Variants in VCAN observed in about 807,000 individuals in gnomAD.
The protein encoded by VCAN is versican, also known as versican core protein.
In VCAN, 44 loss-of-function variants were observed where a neutral mutation model predicts 245.5. That is an observed-to-expected ratio of 0.18 (90% CI 0.14 to 0.23). VCAN has a LOEUF of 0.23. Among genes scored for constraint, VCAN ranks in the 10% least tolerant of loss-of-function variants. The pLI, the probability that VCAN is intolerant of heterozygous loss-of-function variation, is 1.00. For missense variants in VCAN, 3,793 were observed against 4,057.9 expected, an observed-to-expected ratio of 0.93 and a Z score of 1.77; for synonymous variants, 1,413 against 1,437.0, an observed-to-expected ratio of 0.98 and a Z score of 0.38.
chr5:83,555,065 A>G, intron 12 of VCAN, 27 bp downstream of exon 12: 15 of 1,611,554 alleles, frequency 9.3e-6, no homozygotes, highest in Non-Finnish European at 1.3e-5. Context: ...AATGATGTCA[A>G]GTTCTACCTT....
rs536882309 is a variant in VCAN at position 83,562,813 on chromosome 5, G to A, written c.9735+7775G>A. ...ATGGATTAAATGCAAGTTGCTCTCT[G>A]GGCCTCTGCCTGAGGCCCCCTCTCT... On this transcript the variant is annotated intron_variant, in intron 12 of 14. Coordinates refer to ENST00000265077, the MANE Select transcript of VCAN (RefSeq NM_004385.5). 3.3e-5 allele frequency among the ~76,000 whole-genome samples: 5 copies of A among 151,548 alleles called. No homozygotes were observed. In the South Asian group the frequency reaches 1.1e-3, roughly 32 times the overall value.
chr5:83,557,305 A>G (rs983272117), intron 12 of VCAN, among the ~76,000 whole-genome samples: 6 of 152,050 alleles, frequency 3.9e-5, no homozygotes, highest in Admixed American at 3.9e-4. Context: ...GTGTTACTAG[A>G]TGTTTATTCT....
rs753756997 is a variant in VCAN at position 83,519,738 on chromosome 5, G to C, written c.1432G>C (p.Val478Leu). 6.2e-7 allele frequency: 1 copy of C among 1,614,130 alleles called. No homozygotes were observed. The highest frequency in any genetic ancestry group is 1.3e-5 in the African/African-American group (1 of 75,054). The change falls in exon 7 of 15, where the codon GTG becomes CTG. Residue 478 changes from valine to leucine, a missense_variant. Physicochemically the swap from Val to Leu is conservative, Grantham distance 32 (BLOSUM62 1). Around this residue, in one of 5 missense-constraint regions of VCAN, gnomAD observed 3,182 missense variants for 3,250.3 expected, o/e 0.98. Transcript: ENST00000265077. ...HYATDSWDGV[V>L]EDKQTQESVT... Reference sequence around the variant, plus strand: ...TGCTACGGATTCATGGGATGGTGTCGTGGAAGATAAACAAACACAAGAATC... The same window carrying C: ...TGCTACGGATTCATGGGATGGTGTCCTGGAAGATAAACAAACACAAGAATC...
intron 6 of VCAN, among the ~76,000 whole-genome samples, chr5:83,518,389 T>C (rs1387642287): frequency 6.6e-6 from 1 of 152,228 alleles, no homozygotes; most frequent in Non-Finnish European, 1.5e-5. Context: ...GCCATTATAA[T>C]GCAGCATTTT....
chr5:83,550,209 C>T (rs1389742267), intron 10 of VCAN, among the ~76,000 whole-genome samples: 1 of 152,146 alleles, frequency 6.6e-6, no homozygotes, highest in East Asian at 1.9e-4. Flanking sequence ...AAAACATTAC[C>T]TGTACAGCAT....
chr5:83,539,948 A>G lies in VCAN; in HGVS notation c.6945A>G (p.Val2315=), dbSNP rs375706654. ...ENVAKEVGPL[V]SQTDIFEGSG... Reference sequence around the variant, plus strand: ...TGGCAAAAGAAGTTGGACCACTCGTATCTCAAACAGACATCTTTGAAGGTA... The same window carrying G: ...TGGCAAAAGAAGTTGGACCACTCGTGTCTCAAACAGACATCTTTGAAGGTA... Residue 2315 remains valine, a synonymous_variant, in exon 8 of 15, where the codon GTA becomes GTG. Transcript: ENST00000265077. The G allele has an allele frequency of 8.3e-5, 134 of 1,614,024 alleles. No individual in the cohort carries two copies. The highest frequency in any genetic ancestry group is 1.1e-4 in the Non-Finnish European group (127 of 1,180,016).
intron 7 of VCAN, among the ~76,000 whole-genome samples, chr5:83,529,000 A>ACACACACACACACG (rs1352381825): frequency 1.4e-5 from 2 of 144,772 alleles, no homozygotes; most frequent in African/African-American, 5.2e-5. Context: ...ACACACACAC[A>ACACACACACACACG]CACACACACA....
intron 7 of VCAN, among the ~76,000 whole-genome samples, chr5:83,534,795 T>C (rs1746644041): frequency 6.6e-6 from 1 of 152,128 alleles, no homozygotes; most frequent in Admixed American, 6.6e-5. Flanking sequence ...AAGAGATTCT[T>C]TTGTACAGAA....
chr5:83,504,465 C>T (rs1745424361), intron 5 of VCAN, among the ~76,000 whole-genome samples: 1 of 151,750 alleles, frequency 6.6e-6, no homozygotes, highest in South Asian at 2.1e-4. Flanking sequence ...TCACTGCAAC[C>T]TCTGCCTCCT....
intron 7 of VCAN, among the ~76,000 whole-genome samples, chr5:83,525,438 G>A (rs1746257833): frequency 1.3e-5 from 2 of 152,062 alleles, no homozygotes; most frequent in South Asian, 4.1e-4. Context: ...CACCTGAAAT[G>A]TTACAAGGTA....
At chr5:83,546,847 T>C (rs1292771719) in intron 9 of VCAN, among the ~76,000 whole-genome samples, 1 of 152,248 alleles carries the variant, frequency 6.6e-6, no homozygotes, top group Non-Finnish European at 1.5e-5. Flanking sequence ...TTTAACTTGC[T>C]TTGTATATTC....
At chr5:83,572,836 T>C (rs1288481909) in intron 13 of VCAN, among the ~76,000 whole-genome samples, 2 of 151,816 alleles carry the variant, frequency 1.3e-5, no homozygotes, top group African/African-American at 2.4e-5. Flanking sequence ...CAACTGCCAG[T>C]CCAAAGGCCA....
At position 83,515,165 on chromosome 5, in the gene VCAN, A is replaced by C. The variant is rs114766647; in HGVS notation, c.1042+2769A>C. On this transcript the variant is annotated intron_variant, in intron 6 of 14. Transcript: ENST00000265077. ...AGCAAAGTAATGTCTTTGTAAGATAAAGTTTTCCTGTATATCTTCTCTTAA... is the reference window on the plus strand; with the variant it reads ...AGCAAAGTAATGTCTTTGTAAGATACAGTTTTCCTGTATATCTTCTCTTAA... 3.3e-3 allele frequency among the ~76,000 whole-genome samples: 501 copies of C among 152,328 alleles called. 2 individuals are homozygous for C. The highest frequency in any genetic ancestry group is 0.012 in the African/African-American group (480 of 41,582).
In VCAN at chr5:83,580,647, A is replaced by T. The variant is rs1192233694; in HGVS notation, c.*213A>T. The T allele has an allele frequency of 1.5e-6, 1 of 670,560 alleles. No individual in the cohort carries two copies. The highest frequency in any genetic ancestry group is 1.8e-5 in the African/African-American group (1 of 55,008). The allele number at this position is 670,560 out of a possible 1,614,324, so 41.5% of individuals were successfully genotyped here. ...AAAATGAAAGAAAATGAGAGCAGAA[A>T]GTAAGCATTTCCAGCCTATCTAATT... On this transcript the variant is annotated 3_prime_UTR_variant, in exon 15 of 15. Transcript: ENST00000265077.
At chr5:83,509,114 A>C (rs1204717734) in intron 5 of VCAN, among the ~76,000 whole-genome samples, 1 of 152,172 alleles carries the variant, frequency 6.6e-6, no homozygotes, top group Non-Finnish European at 1.5e-5. Flanking sequence ...GGAAGGAAAG[A>C]AAGAAAGAAA....
chr5:83,526,056 C>T (rs1418656890), intron 7 of VCAN, among the ~76,000 whole-genome samples: 1 of 151,882 alleles, frequency 6.6e-6, no homozygotes, highest in African/African-American at 2.4e-5. Flanking sequence ...TCTCCTGCCT[C>T]AGCCTCCCGA....
intron 7 of VCAN, among the ~76,000 whole-genome samples, chr5:83,522,931 C>T (rs1355938928): frequency 6.6e-6 from 1 of 152,102 alleles, no homozygotes; most frequent in Admixed American, 6.6e-5. Context: ...TACAACCTAG[C>T]TTAGTTGTAG....
At chr5:83,570,785 C>T (rs1264475451) in intron 12 of VCAN, among the ~76,000 whole-genome samples, 3 of 149,772 alleles carry the variant, frequency 2.0e-5, no homozygotes, top group Admixed American at 1.3e-4. Flanking sequence ...AGTGATAGTA[C>T]TGTTGGGAGT....
rs939099564 is a variant in VCAN, at chr5:83,541,583, C to T, written c.8580C>T (p.Ser2860=). The T allele has an allele frequency of 6.2e-7, 1 of 1,613,760 alleles. No homozygotes were observed. The highest frequency in any genetic ancestry group is 1.3e-5 in the African/African-American group (1 of 74,900). ...TAGACGTCGGCTCATCTGTAATGTC[C>T]CCACAGGATTCTTTTAAGGAAATTC... ...PGIDVGSSVM[S]PQDSFKEIHV... The change falls in exon 8 of 15, where the codon TCC becomes TCT. Residue 2860 remains serine, a synonymous_variant. Coordinates refer to ENST00000265077, the MANE Select transcript of VCAN (RefSeq NM_004385.5).
Sources: allele counts gnomAD v4.1 joint callset (sites outside exome capture counted in the v4.1 genomes callset), GRCh38; gene constraint gnomAD v4.1.1; regional missense constraint gnomAD v4.1.1; transcripts MANE v1.5; gene names NCBI Gene and HGNC (gene_info 2026-07-23, HGNC 2026-07-21).